Variants in MED15 observed in about 807,000 individuals in gnomAD.
MED15 encodes the protein mediator of RNA polymerase II transcription subunit 15.
A neutral mutation model predicts 118.7 loss-of-function variants in MED15; 41 were observed. The ratio of observed to expected loss-of-function variants is 0.35; its 90% CI spans 0.27 to 0.45. The LOEUF is 0.45. MED15 is among the 20% of genes least tolerant of loss of function. The pLI, the probability that MED15 is intolerant of heterozygous loss-of-function variation, is 1.00. For synonymous variants in MED15, 436 were observed against 413.9 expected (o/e 1.05, Z -0.65); for missense variants, 740 against 1,025.5 (o/e 0.72, Z 3.80).
chr22:20,507,795 A>G (rs768695626), intron 1 of MED15, 49 bp downstream of exon 1: 1 of 1,611,476 alleles, frequency 6.2e-7, no homozygotes, highest in Non-Finnish European at 8.5e-7. Context: ...CTTCCTCCTT[A>G]GCGTGGCGGG....
At chr22:20,536,837 A>G (rs946482913) in intron 1 of MED15, among the ~76,000 whole-genome samples, 1 of 151,692 alleles carries the variant, frequency 6.6e-6, no homozygotes, top group African/African-American at 2.4e-5. Flanking sequence ...CCTAGGGGCA[A>G]CCCCTCCCCC....
chr22:20,581,372 T>C (rs935736840), intron 9 of MED15, among the ~76,000 whole-genome samples: 3 of 152,144 alleles, frequency 2.0e-5, no homozygotes, highest in African/African-American at 7.2e-5. Flanking sequence ...AGAAAGCAGC[T>C]GTCCTATCCC....
intron 1 of MED15, among the ~76,000 whole-genome samples, chr22:20,531,173 C>T (rs1440531628): frequency 7.7e-6 from 1 of 129,520 alleles, no homozygotes; most frequent in African/African-American, 2.8e-5. Flanking sequence ...GCCCTGTGCT[C>T]CTTCCCTAGG....
intron 1 of MED15, among the ~76,000 whole-genome samples, chr22:20,519,502 C>G (rs2054373447): frequency 6.6e-6 from 1 of 151,588 alleles, no homozygotes; most frequent in African/African-American, 2.4e-5. Context: ...GTGGCCTGAC[C>G]TCGGCTCACT....
intron 2 of MED15, among the ~76,000 whole-genome samples, chr22:20,548,710 G>A (rs778662014): frequency 1.3e-5 from 2 of 152,206 alleles, no homozygotes; most frequent in African/African-American, 4.8e-5. Context: ...CACGGAGCAC[G>A]TGTTTCTATC....
chr22:20,524,105 A>G (rs1366766446), intron 1 of MED15, among the ~76,000 whole-genome samples: 2 of 152,258 alleles, frequency 1.3e-5, no homozygotes, highest in African/African-American at 4.8e-5. Flanking sequence ...TAAAAGAACC[A>G]GAATGTAGAA....
chr22:20,586,195 C>T (rs1352224764), intron 17 of MED15, among the ~76,000 whole-genome samples: 2 of 152,188 alleles, frequency 1.3e-5, no homozygotes, highest in Non-Finnish European at 2.9e-5. Flanking sequence ...TGCCAGGTTC[C>T]ACTGGTAGCT....
chr22:20,564,772 TG>T (rs1323984810), intron 6 of MED15, 84 bp downstream of exon 6: 24 of 1,585,204 alleles, frequency 1.5e-5, no homozygotes, highest in South Asian at 3.4e-5. Context: ...CTGGGTGCAG[TG>T]CCCGGAGCCA....
intron 2 of MED15, chr22:20,551,221 C>A: frequency 1.4e-6 from 1 of 695,044 alleles, no homozygotes; most frequent in Non-Finnish European, 2.7e-6. Flanking sequence ...TCTCTGTCCC[C>A]TTCTTGTTTC....
chr22:20,519,162 T>C (rs543103684), intron 1 of MED15, among the ~76,000 whole-genome samples: 6 of 152,142 alleles, frequency 3.9e-5, no homozygotes, highest in African/African-American at 1.2e-4. Flanking sequence ...CCTGAGACAT[T>C]TATTTAAAGA....
Position 20,537,211 on chromosome 22 carries a change from C to CCCTA in MED15, c.156+8_156+11dup, listed in dbSNP as rs148534902. On this transcript the variant is annotated splice_region_variant and intron_variant, in intron 2 of 17. Coordinates refer to ENST00000263205, the MANE Select transcript of MED15 (RefSeq NM_001003891.3). Reference sequence around the variant, plus strand: ...CCTGAAGGCCAAGACCCGGGTAAGGCCCTAGTAAGTGGAGCCACTCTGGCA... The same window carrying CCCTA: ...CCTGAAGGCCAAGACCCGGGTAAGGCCCTACCTAGTAAGTGGAGCCACTCTGGCA... 0.072 allele frequency: 115,510 copies of CCCTA among 1,611,884 alleles called. 7,814 individuals are homozygous for CCCTA. Among genetic ancestry groups the CCCTA allele is most frequent in the East Asian group, 0.42 (18,908 of 44,770 alleles).
intron 3 of MED15, 74 bp downstream of exon 3, chr22:20,551,561 C>T: frequency 7.0e-7 from 1 of 1,431,228 alleles, no homozygotes; most frequent in Non-Finnish European, 9.9e-7. Flanking sequence ...CTCGGCAGAG[C>T]TTTCTGGGCA....
chr22:20,567,216 A>G (rs2056476129), intron 7 of MED15, among the ~76,000 whole-genome samples: 1 of 152,182 alleles, frequency 6.6e-6, no homozygotes, highest in Non-Finnish European at 1.5e-5. Context: ...GTTCTAAGCA[A>G]ATATCTTTTT....
intron 5 of MED15, among the ~76,000 whole-genome samples, chr22:20,560,250 TC>T (rs1484787378): frequency 6.6e-6 from 1 of 151,432 alleles, no homozygotes; most frequent in Non-Finnish European, 1.5e-5. Context: ...AAGCACTATT[TC>T]ATTTCTTTTC....
chr22:20,559,222 C>T (rs2056134879), intron 5 of MED15, among the ~76,000 whole-genome samples: 1 of 151,912 alleles, frequency 6.6e-6, no homozygotes, highest in Non-Finnish European at 1.5e-5. Flanking sequence ...TCATCAGGAG[C>T]AATGAAGCAG....
At chr22:20,524,717 GTTCAGGCGA>G (rs1354546331) in intron 1 of MED15, among the ~76,000 whole-genome samples, 1 of 152,212 alleles carries the variant, frequency 6.6e-6, no homozygotes, top group African/African-American at 2.4e-5. Context: ...CGCCTCCCGG[GTTCAGGCGA>G]TTCTCCTGCC....
intron 1 of MED15, among the ~76,000 whole-genome samples, chr22:20,513,062 G>A (rs1188216846): frequency 6.6e-6 from 1 of 151,600 alleles, no homozygotes; most frequent in African/African-American, 2.4e-5. Context: ...GTATTACAGT[G>A]GTATTCTTTA....
At chr22:20,517,490 CTG>C (rs2054294786) in intron 1 of MED15, among the ~76,000 whole-genome samples, 1 of 152,196 alleles carries the variant, frequency 6.6e-6, no homozygotes, top group African/African-American at 2.4e-5. Flanking sequence ...TCCAAGGAGA[CTG>C]GGCCTTCTGC....
chr22:20,561,054 TTTAAG>T (rs2056220688), intron 5 of MED15, among the ~76,000 whole-genome samples: 1 of 152,144 alleles, frequency 6.6e-6, no homozygotes, highest in South Asian at 2.1e-4. Flanking sequence ...AGGTTTATAC[TTTAAG>T]TTAAATATGC....
Sources: gnomAD v4.1 joint callset for allele counts (sites outside exome capture counted in the v4.1 genomes callset) on GRCh38, gnomAD v4.1.1 for gene constraint, MANE v1.5 for transcripts, NCBI Gene and HGNC (gene_info 2026-07-23, HGNC 2026-07-21) for gene names.